Variants in UBE2F observed in about 807,000 individuals in gnomAD.
UBE2F encodes the protein ubiquitin conjugating enzyme E2 F (putative).
UBE2F carries 5 observed loss-of-function variants against 29.6 expected under a neutral mutation model. The observed-to-expected ratio is 0.17, with a 90% CI of 0.09 to 0.36. The LOEUF (loss-of-function observed/expected upper bound fraction) is 0.36, where lower values mean the gene tolerates loss of function less well. Among genes scored for constraint, UBE2F ranks in the 10% least tolerant of loss-of-function variants. The probability of loss-of-function intolerance (pLI) is 1.00; values close to 1 mark genes in which losing one functional copy is unlikely to be tolerated. For synonymous variants in UBE2F, 66 were observed against 81.8 expected (o/e 0.81, Z 1.04); for missense variants, 141 against 228.5 (o/e 0.62, Z 2.47).
In UBE2F at chr2:237,980,569, G is replaced by T. The variant is rs532201843; in HGVS notation, c.118+7344G>T. Among the ~76,000 whole-genome samples, 3 of 152,268 alleles carry T rather than the reference G, an allele frequency of 2.0e-5. No homozygotes were observed. The South Asian group carries it at 6.2e-4, about 32-fold the overall frequency. ...ACCTCCAAATACCATCACATTGGGG[G>T]TTAGAGCTTCAACATATGAATTTGG... On this transcript the variant is annotated intron_variant, in intron 2 of 9. Transcript: ENST00000272930.
chr2:238,018,588 C>T (rs1177230634), intron 5 of UBE2F, among the ~76,000 whole-genome samples: 6 of 152,090 alleles, frequency 3.9e-5, no homozygotes, highest in Admixed American at 6.5e-5. Flanking sequence ...TATTTAGAGA[C>T]GGAGTCTTGC....
At chr2:237,968,055 C>A (rs1419794722) in intron 1 of UBE2F, among the ~76,000 whole-genome samples, 1 of 152,080 alleles carries the variant, frequency 6.6e-6, no homozygotes, top group African/African-American at 2.4e-5. Flanking sequence ...GGAAGGAGGG[C>A]ATTCTAGACC....
chr2:237,974,443 G>A (rs890863800), intron 2 of UBE2F, among the ~76,000 whole-genome samples: 13 of 151,112 alleles, frequency 8.6e-5, no homozygotes, highest in Admixed American at 8.6e-4. Context: ...GCTCGCTTTG[G>A]CCTCCCAAAG....
chr2:238,025,949 T>C (rs1019199254), intron 6 of UBE2F, among the ~76,000 whole-genome samples: 4 of 152,200 alleles, frequency 2.6e-5, no homozygotes, highest in African/African-American at 9.7e-5. Context: ...ATCCCTGGCA[T>C]GGGCAGAACG....
At position 238,040,174 on chromosome 2, in the gene UBE2F, G is replaced by C. The variant is rs1244919924; in HGVS notation, c.508-1114G>C. 6.6e-6 allele frequency among the ~76,000 whole-genome samples: 1 copy of C among 152,206 alleles called. No homozygotes were observed. The highest frequency in any genetic ancestry group is 1.5e-5 in the Non-Finnish European group (1 of 68,038). On this transcript the variant is annotated intron_variant, in intron 9 of 9. Transcript: ENST00000272930. This position sits in a 1 kb window ranked among gnomAD's most constrained non-coding sequence, Gnocchi z 4.4. Reference sequence around the variant, plus strand: ...TTCAAATTGGGAACTTGCCCGCCCTGGAAAGGGTCGCTGTGCTAACTAAAA... The same window carrying C: ...TTCAAATTGGGAACTTGCCCGCCCTCGAAAGGGTCGCTGTGCTAACTAAAA...
chr2:237,983,071 G>A (rs751639347), intron 2 of UBE2F, among the ~76,000 whole-genome samples: 1 of 152,212 alleles, frequency 6.6e-6, no homozygotes, highest in Non-Finnish European at 1.5e-5. Context: ...CTGGCTTCAA[G>A]CGATCCTCCT....
chr2:238,027,548 A>G (rs145912115), intron 6 of UBE2F, among the ~76,000 whole-genome samples: 15 of 152,210 alleles, frequency 9.9e-5, no homozygotes, highest in African/African-American at 3.6e-4. Context: ...GGGTGTGTGT[A>G]TTTGCACACC....
At chr2:238,031,650 A>G (rs1240023200) in intron 7 of UBE2F, among the ~76,000 whole-genome samples, 1 of 152,260 alleles carries the variant, frequency 6.6e-6, no homozygotes, top group African/African-American at 2.4e-5. Context: ...TGTGATTCAC[A>G]GATGGCAGGT....
At chr2:238,033,963 CAGGCCCTTCT>C (rs2064645675) in intron 8 of UBE2F, among the ~76,000 whole-genome samples, 1 of 152,196 alleles carries the variant, frequency 6.6e-6, no homozygotes, top group African/African-American at 2.4e-5. Flanking sequence ...GCTGTGAACT[CAGGCCCTTCT>C]AGGGGCCCAT....
chr2:237,986,709 C>A (rs1435580906), intron 2 of UBE2F, among the ~76,000 whole-genome samples: 1 of 152,160 alleles, frequency 6.6e-6, no homozygotes, highest in African/African-American at 2.4e-5. Flanking sequence ...AGATAAGAAG[C>A]CAATTTTATT....
intron 4 of UBE2F, among the ~76,000 whole-genome samples, chr2:238,010,564 G>A (rs55840557): frequency 0.025 from 3,778 of 152,254 alleles, 156 homozygotes; most frequent in African/African-American, 0.086. Flanking sequence ...TATTTGTACA[G>A]GCTCCTGCTT....
At chr2:237,997,803 T>C (rs1454251709) in intron 4 of UBE2F, among the ~76,000 whole-genome samples, 1 of 152,116 alleles carries the variant, frequency 6.6e-6, no homozygotes. Flanking sequence ...ATACACTCTT[T>C]AGAGAAAAAC....
At chr2:237,980,989 G>A (rs1157975512) in intron 2 of UBE2F, among the ~76,000 whole-genome samples, 3 of 152,234 alleles carry the variant, frequency 2.0e-5, no homozygotes, top group Non-Finnish European at 2.9e-5. Flanking sequence ...AATGGGTCCT[G>A]TGGTTTGATC....
At chr2:237,987,691 G>A (rs544079344) in intron 2 of UBE2F, among the ~76,000 whole-genome samples, 15 of 152,230 alleles carry the variant, frequency 9.9e-5, no homozygotes, top group African/African-American at 3.4e-4. Context: ...GCTACCTATA[G>A]GTCATTTCTA....
chr2:237,990,347 A>G (rs2063559739), intron 3 of UBE2F: 6 of 445,330 alleles, frequency 1.3e-5, no homozygotes, highest in South Asian at 9.9e-5. Flanking sequence ...TCTGCTTTCC[A>G]GTCCCATCTT....
intron 4 of UBE2F, among the ~76,000 whole-genome samples, chr2:238,004,662 T>C (rs759196301): frequency 5.9e-5 from 9 of 152,202 alleles, no homozygotes; most frequent in Non-Finnish European, 1.2e-4. Context: ...GAATGTGTTA[T>C]GTTTCATGGC....
chr2:237,969,297 C>T (rs1469305423), intron 1 of UBE2F, among the ~76,000 whole-genome samples: 3 of 151,288 alleles, frequency 2.0e-5, no homozygotes, highest in Admixed American at 6.6e-5. Flanking sequence ...GCGTAGCCTG[C>T]GGGCTGTAGT....
intron 8 of UBE2F, among the ~76,000 whole-genome samples, chr2:238,034,410 A>G (rs1251281736): frequency 1.3e-5 from 2 of 152,128 alleles, no homozygotes; most frequent in Non-Finnish European, 2.9e-5. Context: ...GCTGGGCAAC[A>G]AGAGCGAAAA....
At chr2:238,006,417 A>G (rs2063908356) in intron 4 of UBE2F, among the ~76,000 whole-genome samples, 1 of 152,230 alleles carries the variant, frequency 6.6e-6, no homozygotes. Context: ...ATCAATTGTC[A>G]TCTTAATTAT....
Sources: gnomAD v4.1 joint callset for allele counts (sites outside exome capture counted in the v4.1 genomes callset) on GRCh38, gnomAD v4.1.1 for gene constraint, Gnocchi (gnomAD v3.1) non-coding constraint, MANE v1.5 for transcripts, NCBI Gene and HGNC (gene_info 2026-07-23, HGNC 2026-07-21) for gene names.